The following SLC39A11 variants were observed in gnomAD, a reference collection of about 807,000 sequenced individuals.
SLC39A11 encodes the protein solute carrier family 39 member 11.
Under a neutral mutation model 36.1 loss-of-function variants are expected in SLC39A11, and 33 were observed. The ratio of observed to expected loss-of-function variants is 0.91; its 90% CI spans 0.69 to 1.22. The LOEUF is 1.22. Among genes scored for constraint, SLC39A11 ranks in the 50% most tolerant of loss-of-function variants. The pLI, the probability that SLC39A11 is intolerant of heterozygous loss-of-function variation, is 0.00. For synonymous variants in SLC39A11, 166 were observed against 170.3 expected (o/e 0.97, Z 0.20); for missense variants, 432 against 430.3 (o/e 1.00, Z -0.03).
At chr17:72,757,470 T>C (rs2075398751) in intron 6 of SLC39A11, among the ~76,000 whole-genome samples, 1 of 152,176 alleles carries the variant, frequency 6.6e-6, no homozygotes, top group Admixed American at 6.5e-5. Flanking sequence ...GCATCACTGC[T>C]GAGTAAGGAT....
intron 5 of SLC39A11, among the ~76,000 whole-genome samples, chr17:72,886,713 G>C (rs1443719183): frequency 6.6e-6 from 1 of 152,186 alleles, no homozygotes; most frequent in African/African-American, 2.4e-5. Flanking sequence ...ATTGAGATCT[G>C]AAAGTGCTAG....
Position 73,006,978 on chromosome 17 carries a change from C to T in SLC39A11, c.306+24578G>A, listed in dbSNP as rs142543382. Among the ~76,000 whole-genome samples, 358 of 152,274 alleles carry T rather than the reference C, an allele frequency of 2.4e-3. 14 individuals carry two copies. In the East Asian group the frequency reaches 0.066, roughly 28 times the overall value. ...TAGCAAATCAGTTTCAGGGCCCCTC[C>T]GTGTCAGGCTCTGTGCCAGGCGCTG... On this transcript the variant is annotated intron_variant, in intron 4 of 9. Transcript: ENST00000255559.
intron 3 of SLC39A11, among the ~76,000 whole-genome samples, chr17:73,038,169 A>T (rs553209434): frequency 6.6e-6 from 1 of 152,296 alleles, no homozygotes; most frequent in Non-Finnish European, 1.5e-5. Context: ...GGTGGCAGTG[A>T]ACTGAGATCA....
intron 6 of SLC39A11, chr17:72,839,206 T>C (rs1415099662): frequency 6.6e-6 from 1 of 152,052 alleles, no homozygotes; most frequent in African/African-American, 2.4e-5. Context: ...GCTGAAGACA[T>C]TTCAGAACTC....
chr17:73,004,124 A>G (rs975745018), intron 4 of SLC39A11, among the ~76,000 whole-genome samples: 11 of 150,110 alleles, frequency 7.3e-5, no homozygotes, highest in East Asian at 3.9e-4. Context: ...GAGAGAAAGA[A>G]AGAAAGGAAA....
At chr17:72,801,695 A>T (rs2077089142) in intron 6 of SLC39A11, among the ~76,000 whole-genome samples, 1 of 152,236 alleles carries the variant, frequency 6.6e-6, no homozygotes, top group Non-Finnish European at 1.5e-5. Flanking sequence ...ATGGCATTTT[A>T]AAAAAGAAAA....
chr17:72,702,388 G>T (rs1439859197), intron 7 of SLC39A11, among the ~76,000 whole-genome samples: 2 of 152,180 alleles, frequency 1.3e-5, no homozygotes, highest in Admixed American at 1.3e-4. Context: ...AATGTCTGCA[G>T]ACATTTTTGG....
chr17:73,088,423 A>C, intron 2 of SLC39A11, among the ~76,000 whole-genome samples: 1 of 152,168 alleles, frequency 6.6e-6, no homozygotes. Flanking sequence ...GTCAAGGGTC[A>C]AGAGGGGAGA....
intron 4 of SLC39A11, among the ~76,000 whole-genome samples, chr17:72,991,099 T>C (rs1309344678): frequency 6.6e-6 from 1 of 152,204 alleles, no homozygotes; most frequent in Admixed American, 6.5e-5. Flanking sequence ...TGTTACCATA[T>C]TTGATTCAGA....
In SLC39A11 at chr17:72,900,161, G is replaced by GA. The variant is rs762054119; in HGVS notation, c.430+47590dup. Among the ~76,000 whole-genome samples the GA allele has an allele frequency of 6.5e-3, 349 of 53,984 alleles. 53 individuals are homozygous for GA. The highest frequency in any genetic ancestry group is 0.018 in the African/African-American group (337 of 19,064). The allele number at this position is 53,984 out of a possible 152,430, so 35.4% of individuals were successfully genotyped here. A position where few individuals can be genotyped will look rare whatever the true frequency, so the allele number is the denominator to read the frequency against. Reference sequence around the variant, plus strand: ...AAGAAAAAGAAAGAAAGAAAAGAAAGAAAGAAAGAAAGAAAGAAAGAAAGA... The same window carrying GA: ...AAGAAAAAGAAAGAAAGAAAAGAAAGAAAAGAAAGAAAGAAAGAAAGAAAGA... On this transcript the variant is annotated intron_variant, in intron 5 of 9. Coordinates refer to ENST00000255559, the MANE Select transcript of SLC39A11 (RefSeq NM_139177.4).
At chr17:72,838,107 C>T (rs945656303) in intron 6 of SLC39A11, 6 of 495,536 alleles carry the variant, frequency 1.2e-5, no homozygotes, top group African/African-American at 1.2e-4. Context: ...AACACAGCAA[C>T]ACCCTTGTCT....
At chr17:72,722,785 C>T (rs954778624) in intron 7 of SLC39A11, among the ~76,000 whole-genome samples, 4 of 152,104 alleles carry the variant, frequency 2.6e-5, no homozygotes, top group African/African-American at 9.7e-5. Context: ...CAGGTGCCTG[C>T]CACCAAGCCT....
At chr17:72,960,652 A>T (rs2466525) in intron 4 of SLC39A11, among the ~76,000 whole-genome samples, 52,040 of 151,774 alleles carry the variant, frequency 0.34, 10,154 homozygotes, top group East Asian at 0.83. Context: ...AAATTAAATT[A>T]AATTTAATTA....
chr17:72,936,645 C>T (rs2084782406), intron 5 of SLC39A11, among the ~76,000 whole-genome samples: 1 of 152,086 alleles, frequency 6.6e-6, no homozygotes, highest in South Asian at 2.1e-4. Flanking sequence ...AAGAACCTAG[C>T]CCTGGAGCCA....
chr17:72,773,034 C>T (rs1198555656), intron 6 of SLC39A11, among the ~76,000 whole-genome samples: 9 of 151,858 alleles, frequency 5.9e-5, no homozygotes, highest in African/African-American at 9.7e-5. Flanking sequence ...TGCAGTGAGC[C>T]GAGATCATGC....
At chr17:73,081,588 A>G (rs986535182) in intron 3 of SLC39A11, among the ~76,000 whole-genome samples, 5 of 138,216 alleles carry the variant, frequency 3.6e-5, no homozygotes, top group Non-Finnish European at 7.9e-5. Flanking sequence ...CCCACCAATC[A>G]AGGAGTGGAT....
At chr17:72,719,586 G>A (rs183991285) in intron 7 of SLC39A11, among the ~76,000 whole-genome samples, 1 of 152,238 alleles carries the variant, frequency 6.6e-6, no homozygotes, top group African/African-American at 2.4e-5. Flanking sequence ...GTAACAAGCT[G>A]TTGGGGAGGA....
At chr17:73,013,303 G>A (rs2090624548) in intron 4 of SLC39A11, among the ~76,000 whole-genome samples, 2 of 79,366 alleles carry the variant, frequency 2.5e-5, no homozygotes, top group African/African-American at 6.8e-5. Flanking sequence ...GGTCAGGCTG[G>A]TCTCGAACTC....
At chr17:72,910,188 A>C (rs1294084190) in intron 5 of SLC39A11, among the ~76,000 whole-genome samples, 1 of 152,020 alleles carries the variant, frequency 6.6e-6, no homozygotes, top group Non-Finnish European at 1.5e-5. Context: ...AGGGCTGAAA[A>C]ACTACCTGTT....
Sources: allele counts gnomAD v4.1 joint callset (sites outside exome capture counted in the v4.1 genomes callset), GRCh38; gene constraint gnomAD v4.1.1; transcripts MANE v1.5; gene names NCBI Gene and HGNC (gene_info 2026-07-23, HGNC 2026-07-21).